Variants in COL18A1 observed in about 807,000 individuals in gnomAD.
COL18A1 encodes collagen type XVIII alpha 1 chain.
COL18A1 carries 133 observed loss-of-function variants against 168.0 expected under a neutral mutation model. The ratio of observed to expected loss-of-function variants is 0.79; its 90% CI spans 0.69 to 0.91. The LOEUF (loss-of-function observed/expected upper bound fraction) is 0.91, where lower values mean the gene tolerates loss of function less well. Among genes scored for constraint, COL18A1 ranks in the 40% least tolerant of loss-of-function variants. The pLI is 0.00. For synonymous variants in COL18A1, 949 were observed against 809.0 expected (o/e 1.17, Z -2.94); for missense variants, 2,126 against 1,925.4 (o/e 1.10, Z -1.95).
Position 45,405,297 on chromosome 21 carries a change from T to TG in COL18A1, c.11+56_11+57insG, listed in dbSNP as rs1569270161. On this transcript the variant is annotated intron_variant, in intron 1 of 41. Transcript: ENST00000651438. ...GGACGCCAAGATGCGGCTGCGGGGG[T>TG]CGCGGGGGTCGCGGGGCTCGGCCGG... 1.5e-4 allele frequency: 107 copies of TG among 690,324 alleles called. No homozygotes were observed. The African/African-American group carries it at 2.7e-3, about 17-fold the overall frequency. 42.8% of individuals were successfully genotyped at this position (690,324 alleles called of 1,614,324 possible).
Position 45,493,603 on chromosome 21 carries a change from A to G in COL18A1, c.2352+28A>G, listed in dbSNP as rs749627. 660,408 of 1,526,298 alleles carry G rather than the reference A, an allele frequency of 0.43. 145,577 individuals carry two copies. Among genetic ancestry groups the G allele is most frequent in the African/African-American group, 0.67 (48,634 of 72,668 alleles). The allele number at this position is 1,526,298 out of a possible 1,614,324, so 94.5% of individuals were successfully genotyped here. A position where few individuals can be genotyped will look rare whatever the true frequency, so the allele number is the denominator to read the frequency against. ...GAGGGCCGGGCAGCCTCCTTCCGGC[A>G]GGCGTGGGGGCTCCTGGGGCTGTGG... On this transcript the variant is annotated intron_variant, in intron 26 of 41. Transcript: ENST00000651438.
intron 25 of COL18A1, 87 bp from the exon 26 acceptor site, chr21:45,493,414 T>C: frequency 7.3e-7 from 1 of 1,372,568 alleles, no homozygotes. Context: ...CGAGGCCCAG[T>C]CACAGCGGCC....
chr21:45,487,386 G>C lies in COL18A1; in HGVS notation c.1834-61G>C. 1.9e-6 allele frequency: 3 copies of C among 1,587,888 alleles called. No individual in the cohort carries two copies. In the East Asian group the frequency reaches 6.7e-5, roughly 35 times the overall value. ...CCTCCTCTCGGGCAGTGCCACCCCAGGGAGGGGTCCTTCCCTAAGAAGGGA... is the reference window on the plus strand; with the variant it reads ...CCTCCTCTCGGGCAGTGCCACCCCACGGAGGGGTCCTTCCCTAAGAAGGGA... On this transcript the variant is annotated intron_variant, in intron 16 of 41. Transcript: ENST00000651438.
intron 15 of COL18A1, among the ~76,000 whole-genome samples, chr21:45,485,807 A>G (rs1420489406): frequency 6.6e-6 from 1 of 152,212 alleles, no homozygotes; most frequent in Admixed American, 6.5e-5. Context: ...CCTTCCCCAC[A>G]GAGGGGGTTT....
In COL18A1 at chr21:45,486,025, C is replaced by T. The variant is rs145589166; in HGVS notation, c.1702-836C>T. 3.3e-4 allele frequency among the ~76,000 whole-genome samples: 51 copies of T among 152,330 alleles called. No homozygotes were observed. In the East Asian group the frequency reaches 9.9e-3, roughly 29 times the overall value. ...GGGGTGGTTCAGCTGGGCCACGTCACAGCGGGACCCCTGCCTCAGGGCCTC... is the reference window on the plus strand; with the variant it reads ...GGGGTGGTTCAGCTGGGCCACGTCATAGCGGGACCCCTGCCTCAGGGCCTC... On this transcript the variant is annotated intron_variant, in intron 15 of 41. Transcript: ENST00000651438.
intron 19 of COL18A1, 68 bp from the exon 20 acceptor site, chr21:45,490,207 C>G: frequency 7.3e-7 from 1 of 1,377,938 alleles, no homozygotes; most frequent in Non-Finnish European, 1.0e-6. Flanking sequence ...GCCCCGGACT[C>G]CTCGTGGGGG....
intron 15 of COL18A1, among the ~76,000 whole-genome samples, chr21:45,484,751 T>C (rs1215415396): frequency 6.6e-6 from 1 of 152,246 alleles, no homozygotes; most frequent in Non-Finnish European, 1.5e-5. Context: ...CACATGTATT[T>C]GTAGTGTGTG....
chr21:45,509,420 G>C lies in COL18A1; in HGVS notation c.3314G>C (p.Arg1105Pro), dbSNP rs374207420. 3 of 1,538,636 alleles carry C rather than the reference G, an allele frequency of 1.9e-6. No homozygotes were observed. The highest frequency in any genetic ancestry group is 2.4e-5 in the East Asian group (1 of 40,912). Residue 1105 changes from arginine (R) to proline (P), a missense_variant, in exon 39 of 42, where the codon CGG becomes CCG. Transcript: ENST00000651438. ...CTGCACGACAGCAACCCCTACCCGC[G>C]GCGGGAGCACCCCCACCCCACCGCG... ...VQLHDSNPYPRREHPHPTARP... is the reference protein window; with the variant it reads ...VQLHDSNPYPPREHPHPTARP...
chr21:45,495,235 G>A (rs1474002084), intron 28 of COL18A1, 123 bp from the exon 29 acceptor site: 1 of 807,166 alleles, frequency 1.2e-6, no homozygotes, highest in African/African-American at 1.7e-5. Context: ...TGAGAGCTGG[G>A]AACGTGTGAG....
chr21:45,509,058 G>A (rs1306080968), intron 38 of COL18A1, among the ~76,000 whole-genome samples: 1 of 152,148 alleles, frequency 6.6e-6, no homozygotes, highest in East Asian at 1.9e-4. Flanking sequence ...CTGAATTGGA[G>A]CCGCGGCAAA....
intron 38 of COL18A1, among the ~76,000 whole-genome samples, 163 bp from the exon 39 acceptor site, chr21:45,509,193 G>C (rs186939198): frequency 2.4e-4 from 37 of 152,166 alleles, no homozygotes; most frequent in Non-Finnish European, 4.6e-4. Flanking sequence ...CCCCACCCTT[G>C]CTGCTGCCTA....
chr21:45,405,609 G>T (rs1459694514), intron 2 of COL18A1, 136 bp downstream of exon 2: 9 of 420,392 alleles, frequency 2.1e-5, no homozygotes, highest in East Asian at 2.1e-4. Context: ...ACGCGCGCAG[G>T]AGGCGCCGGA....
At position 45,504,564 on chromosome 21, in the gene COL18A1, C is replaced by T. The variant is rs1159868108; in HGVS notation, c.2868+8C>T. Reference sequence around the variant, plus strand: ...GGCTACCCTGGGATTCCAGTAAGTCCCAGCCTGTGCAGGCAGAGCCCATGT... The same window carrying T: ...GGCTACCCTGGGATTCCAGTAAGTCTCAGCCTGTGCAGGCAGAGCCCATGT... On this transcript the variant is annotated splice_region_variant and intron_variant, in intron 34 of 41. Coordinates refer to ENST00000651438, the MANE Select transcript of COL18A1 (RefSeq NM_001379500.1). The T allele has an allele frequency of 1.9e-6, 3 of 1,565,662 alleles. No homozygotes were observed. The highest frequency in any genetic ancestry group is 2.7e-5 in the African/African-American group (2 of 73,656).
chr21:45,454,137 C>G (rs2034721182), intron 2 of COL18A1, among the ~76,000 whole-genome samples: 1 of 152,192 alleles, frequency 6.6e-6, no homozygotes, highest in Non-Finnish European at 1.5e-5. Flanking sequence ...GTTTTGGGAG[C>G]ACGGCCTCAC....
Position 45,425,883 on chromosome 21 carries a change from G to A in COL18A1, c.106+20410G>A, listed in dbSNP as rs2033783057. ...TGCGTGCAAACTTCATTCTGACTTC[G>A]GCCGGCTGTCCTTCTTGCCCAAAGC... On this transcript the variant is annotated intron_variant, in intron 2 of 41. Transcript: ENST00000651438. The surrounding 1 kb of genome is among the most constrained non-coding windows in gnomAD (Gnocchi z 4.1). 6.6e-6 allele frequency among the ~76,000 whole-genome samples: 1 copy of A among 152,110 alleles called. No homozygotes were observed. The highest frequency in any genetic ancestry group is 2.4e-5 in the African/African-American group (1 of 41,414).
chr21:45,455,614 G>A (rs1301204832), intron 2 of COL18A1: 5 of 1,613,842 alleles, frequency 3.1e-6, no homozygotes, highest in African/African-American at 1.3e-5. Flanking sequence ...TGCTGAACCT[G>A]AACTGGCTTT....
chr21:45,473,277 A>C lies in COL18A1; in HGVS notation c.652-618A>C, dbSNP rs973338812. Among the ~76,000 whole-genome samples the C allele has an allele frequency of 3.3e-5, 5 of 152,238 alleles. No homozygotes were observed. The highest frequency in any genetic ancestry group is 4.8e-5 in the African/African-American group (2 of 41,472). ...GGTCAGGCACCCTGGCACTCAGCCC[A>C]GGACTGAAGATGCCAGAGGGAGCGG... is the stretch of plus-strand genomic sequence containing the variant. On this transcript the variant is annotated intron_variant, in intron 3 of 41. Coordinates refer to ENST00000651438, the MANE Select transcript of COL18A1 (RefSeq NM_001379500.1). This position sits in a 1 kb window ranked among gnomAD's most constrained non-coding sequence, Gnocchi z 4.0.
chr21:45,405,298 CGCGGGGGTCGCGGGGCTCGGCCGGGTCCT>C, intron 1 of COL18A1, 52 bp from the exon 2 acceptor site: 6 of 521,432 alleles, frequency 1.2e-5, no homozygotes, highest in South Asian at 9.4e-5. Context: ...CTGCGGGGGT[CGCGGGGGTCGCGGGGCTCGGCCGGGTCCT>C]GCGGGGGTCG....
chr21:45,455,408 A>G (rs2034759450), intron 2 of COL18A1: 2 of 1,406,620 alleles, frequency 1.4e-6, no homozygotes, highest in Admixed American at 3.6e-5. Context: ...TGGGGGGTGG[A>G]AGACAGCCGG....
Sources: gnomAD v4.1 joint callset for allele counts (sites outside exome capture counted in the v4.1 genomes callset) on GRCh38, gnomAD v4.1.1 for gene constraint, Gnocchi (gnomAD v3.1) non-coding constraint, MANE v1.5 for transcripts, NCBI Gene and HGNC (gene_info 2026-07-23, HGNC 2026-07-21) for gene names.